Variants in NEK11 observed in about 807,000 individuals in gnomAD.
NEK11 encodes NIMA related kinase 11.
Under a neutral mutation model 80.7 loss-of-function variants are expected in NEK11, and 72 were observed. The observed-to-expected ratio is 0.89, with a 90% CI of 0.74 to 1.08. NEK11 has a LOEUF of 1.08. NEK11 is among the 50% of genes least tolerant of loss of function. The probability of loss-of-function intolerance (pLI) is 0.00; values close to 1 mark genes in which losing one functional copy is unlikely to be tolerated. For synonymous variants in NEK11, 251 were observed against 260.7 expected, an observed-to-expected ratio of 0.96 and a Z score of 0.36; for missense variants, 764 against 763.6, an observed-to-expected ratio of 1.00 and a Z score of -0.01.
At chr3:131,230,190 A>G (rs1261937270) in intron 15 of NEK11, among the ~76,000 whole-genome samples, 2 of 152,186 alleles carry the variant, frequency 1.3e-5, no homozygotes, top group Non-Finnish European at 2.9e-5. Flanking sequence ...AGAAAATAAA[A>G]CAGATTTAGA....
intron 17 of NEK11, among the ~76,000 whole-genome samples, chr3:131,332,182 C>T (rs1156624959): frequency 6.6e-6 from 1 of 152,252 alleles, no homozygotes; most frequent in Admixed American, 6.5e-5. Context: ...TCCCAGACCC[C>T]TGACCCCTGA....
intron 3 of NEK11, among the ~76,000 whole-genome samples, chr3:131,066,050 T>A (rs1424406920): frequency 6.6e-6 from 1 of 152,190 alleles, no homozygotes; most frequent in Non-Finnish European, 1.5e-5. Context: ...ATGAAAAGGA[T>A]ATCACAGACT....
intron 3 of NEK11, among the ~76,000 whole-genome samples, chr3:131,059,816 C>T (rs943110821): frequency 1.5e-4 from 23 of 152,280 alleles, no homozygotes; most frequent in African/African-American, 5.5e-4. Flanking sequence ...TGAGCCCTGC[C>T]TCACTTAATG....
At position 131,049,963 on chromosome 3, in the gene NEK11, C is replaced by CA. The variant is rs5852614; in HGVS notation, c.170+20100dup. Among the ~76,000 whole-genome samples, 477 of 131,966 alleles carry CA rather than the reference C, an allele frequency of 3.6e-3. 2 individuals carry two copies. Among genetic ancestry groups the CA allele is most frequent in the Middle Eastern group, 0.019 (5 of 260 alleles). 86.6% of individuals were successfully genotyped at this position (131,966 alleles called of 152,430 possible). On this transcript the variant is annotated intron_variant, in intron 3 of 17. Coordinates refer to ENST00000383366, the MANE Select transcript of NEK11 (RefSeq NM_024800.5). The stretch of plus-strand genomic sequence containing the variant: ...GGAAAATAAAACAGGTGTTTCAGTC[C>CA]AAAAAAAAAAAAAAATCAAAAGGCA...
chr3:131,187,017 C>T lies in NEK11; in HGVS notation c.1399+16130C>T, dbSNP rs139912199. On this transcript the variant is annotated intron_variant, in intron 14 of 17. Transcript: ENST00000383366. The stretch of plus-strand genomic sequence containing the variant: ...TAGTTGGAATATGAAGAAATTTCAG[C>T]AGGCCTTTTTTTCATAGCATAGATT... 2.0e-4 allele frequency among the ~76,000 whole-genome samples: 30 copies of T among 152,210 alleles called. 1 individual carries two copies. The highest frequency in any genetic ancestry group is 7.0e-4 in the African/African-American group (29 of 41,538).
chr3:131,152,767 A>G (rs2089923841), intron 9 of NEK11, 58 bp downstream of exon 9: 3 of 1,213,222 alleles, frequency 2.5e-6, no homozygotes, highest in Admixed American at 3.7e-5. Context: ...TACACATTCC[A>G]TGACTTGAAG....
At chr3:131,210,458 G>T (rs940479281) in intron 14 of NEK11, among the ~76,000 whole-genome samples, 21 of 152,306 alleles carry the variant, frequency 1.4e-4, no homozygotes, top group African/African-American at 4.8e-4. Context: ...TGTTGATTTG[G>T]GGTGGAGAGT....
chr3:131,241,526 T>A (rs1046075715), intron 15 of NEK11, among the ~76,000 whole-genome samples: 2 of 152,106 alleles, frequency 1.3e-5, no homozygotes, highest in African/African-American at 2.4e-5. Flanking sequence ...ACAATGTTTT[T>A]AAAATGCAGT....
intron 17 of NEK11, among the ~76,000 whole-genome samples, chr3:131,337,955 T>G (rs1419121962): frequency 6.6e-6 from 1 of 152,180 alleles, no homozygotes; most frequent in East Asian, 1.9e-4. Context: ...TTTTTTCTTT[T>G]TTTTTGAAAC....
chr3:131,186,633 A>T (rs1441377076), intron 14 of NEK11, among the ~76,000 whole-genome samples: 1 of 152,144 alleles, frequency 6.6e-6, no homozygotes, highest in Non-Finnish European at 1.5e-5. Flanking sequence ...AGCAGTTAAA[A>T]TTTCCATCTA....
intron 17 of NEK11, among the ~76,000 whole-genome samples, chr3:131,295,230 A>T (rs976491899): frequency 3.9e-5 from 6 of 151,912 alleles, no homozygotes; most frequent in Non-Finnish European, 8.8e-5. Flanking sequence ...TGATTTGAAT[A>T]GTCAGTATAG....
chr3:131,178,913 G>A (rs2093195871), intron 14 of NEK11, among the ~76,000 whole-genome samples: 4 of 152,234 alleles, frequency 2.6e-5, no homozygotes, highest in South Asian at 4.1e-4. Flanking sequence ...TGACTGATAC[G>A]TCATTATGCA....
intron 5 of NEK11, 75 bp downstream of exon 5, chr3:131,109,996 T>G: frequency 6.8e-7 from 1 of 1,475,990 alleles, no homozygotes. Context: ...TGAATTTTTT[T>G]TCTATAATTG....
intron 14 of NEK11, among the ~76,000 whole-genome samples, chr3:131,190,091 G>T (rs2093736576): frequency 6.6e-6 from 1 of 152,122 alleles, no homozygotes; most frequent in African/African-American, 2.4e-5. Context: ...CTGAGAAACT[G>T]CTAAGTTCAA....
rs946077956 is a variant in NEK11 at position 131,152,966 on chromosome 3, A to G, written c.876+257A>G. Among the ~76,000 whole-genome samples the G allele has an allele frequency of 2.2e-4, 33 of 152,190 alleles. 1 individual carries two copies. The highest frequency in any genetic ancestry group is 2.2e-3 in the Admixed American group (33 of 15,280). ...GCTGGGCGTGGTGGTGCGTGTCTTT[A>G]GTCCCAGCTACTCAGGAGGCTGAGG... On this transcript the variant is annotated intron_variant, in intron 9 of 17. Coordinates refer to ENST00000383366, the MANE Select transcript of NEK11 (RefSeq NM_024800.5).
intron 3 of NEK11, among the ~76,000 whole-genome samples, chr3:131,056,260 G>A (rs2069472174): frequency 6.6e-6 from 1 of 152,214 alleles, no homozygotes; most frequent in African/African-American, 2.4e-5. Flanking sequence ...TTGGAATAGA[G>A]AGATCTAGAT....
At chr3:131,042,022 G>A (rs915816672) in intron 3 of NEK11, among the ~76,000 whole-genome samples, 3 of 152,140 alleles carry the variant, frequency 2.0e-5, no homozygotes, top group East Asian at 1.9e-4. Flanking sequence ...CTCCCCTAGC[G>A]AAGGGAAGCT....
intron 17 of NEK11, among the ~76,000 whole-genome samples, chr3:131,318,762 T>C (rs1310687231): frequency 2.0e-5 from 3 of 150,270 alleles, no homozygotes; most frequent in African/African-American, 7.3e-5. Context: ...TATATATTTA[T>C]AAAACAGTTG....
chr3:131,026,966 T>G lies in NEK11; in HGVS notation c.-210T>G, dbSNP rs1299211216. Reference sequence around the variant, plus strand: ...AGGCCTGCCCGATTACCCGCAAGACTTGGGCAGCCCCGGGCGCCGCTCCGA... The same window carrying G: ...AGGCCTGCCCGATTACCCGCAAGACGTGGGCAGCCCCGGGCGCCGCTCCGA... On this transcript the variant is annotated 5_prime_UTR_variant, in exon 1 of 18. Transcript: ENST00000383366. 1.3e-5 allele frequency: 2 copies of G among 152,290 alleles called. No individual in the cohort carries two copies. The highest frequency in any genetic ancestry group is 1.3e-4 in the Admixed American group (2 of 15,278). 9.4% of individuals were successfully genotyped at this position (152,290 alleles called of 1,614,324 possible).
Sources: allele counts gnomAD v4.1 joint callset (sites outside exome capture counted in the v4.1 genomes callset), GRCh38; gene constraint gnomAD v4.1.1; transcripts MANE v1.5; gene names NCBI Gene and HGNC (gene_info 2026-07-23, HGNC 2026-07-21).